The following TACC1 variants were observed in gnomAD, a reference collection of about 807,000 sequenced individuals.
TACC1 encodes the protein transforming acidic coiled-coil containing protein 1, also known as transforming acidic coiled-coil-containing protein 1.
Under a neutral mutation model 84.4 loss-of-function variants are expected in TACC1, and 48 were observed. The observed-to-expected ratio is 0.57, with a 90% CI of 0.45 to 0.72. The LOEUF (loss-of-function observed/expected upper bound fraction) is 0.72, where lower values mean the gene tolerates loss of function less well. Ranked by LOEUF, TACC1 falls within the 30% of genes least tolerant of loss-of-function variation. The pLI, the probability that TACC1 is intolerant of heterozygous loss-of-function variation, is 0.00. For synonymous variants in TACC1, 372 were observed against 376.3 expected (o/e 0.99, Z 0.13); for missense variants, 920 against 973.0 (o/e 0.95, Z 0.72).
chr8:38,845,423 GTTTC>G (rs1182912625), intron 11 of TACC1, among the ~76,000 whole-genome samples: 8 of 152,074 alleles, frequency 5.3e-5, no homozygotes, highest in East Asian at 3.9e-4. Flanking sequence ...CCCTCTAGTC[GTTTC>G]TTTGTGTCTT....
At chr8:38,812,162 A>G (rs556725787) in intron 2 of TACC1, among the ~76,000 whole-genome samples, 3 of 152,280 alleles carry the variant, frequency 2.0e-5, no homozygotes, top group African/African-American at 4.8e-5. Context: ...TATCAAGACA[A>G]TATGTGCATA....
intron 3 of TACC1, among the ~76,000 whole-genome samples, chr8:38,761,861 A>G (rs1052701717): frequency 6.6e-6 from 1 of 152,202 alleles, no homozygotes; most frequent in African/African-American, 2.4e-5. Context: ...TGAAAAGGTA[A>G]AAGAATTATA....
In TACC1 at chr8:38,827,799, G is replaced by A. The variant is rs538082271; in HGVS notation, c.1660+424G>A. ...CATGGCACCAGTGCCTGCTTCTGGT[G>A]AGGGACTCAGGAAGCTTCCAATCAT... On this transcript the variant is annotated intron_variant, in intron 5 of 12. Transcript: ENST00000317827. 11 of 168,138 alleles carry A rather than the reference G, an allele frequency of 6.5e-5. No homozygotes were observed. The South Asian group carries it at 1.5e-3, about 23-fold the overall frequency. The allele number at this position is 168,138 out of a possible 1,614,324, so 10.4% of individuals were successfully genotyped here.
chr8:38,820,901 C>T (rs1158158031), intron 3 of TACC1, among the ~76,000 whole-genome samples: 2 of 151,862 alleles, frequency 1.3e-5, no homozygotes, highest in Non-Finnish European at 2.9e-5. Flanking sequence ...ACCCTAGAGA[C>T]TTTTTTATGT....
chr8:38,788,038 G>A, intron 1 of TACC1: 2 of 424,604 alleles, frequency 4.7e-6, no homozygotes, highest in Non-Finnish European at 8.3e-6. Context: ...CCCAGCCCCC[G>A]CCCCTCCACA....
chr8:38,852,981 AT>A lies in TACC1; in HGVS notation c.*4964del, dbSNP rs1227693531. On this transcript the variant is annotated 3_prime_UTR_variant, in exon 13 of 13. Coordinates refer to ENST00000317827, the MANE Select transcript of TACC1 (RefSeq NM_006283.3). ...AAATTATTATAATGATTACTAATAT[AT>A]TTTTTCCATGTTTCATTGCCTGAAT... The A allele has an allele frequency of 6.6e-6, 1 of 152,590 alleles. No homozygotes were observed. The highest frequency in any genetic ancestry group is 2.4e-5 in the African/African-American group (1 of 41,440). 9.5% of individuals were successfully genotyped at this position (152,590 alleles called of 1,614,324 possible).
intron 3 of TACC1, among the ~76,000 whole-genome samples, chr8:38,781,754 C>G (rs1017190583): frequency 6.6e-6 from 1 of 152,014 alleles, no homozygotes; most frequent in Non-Finnish European, 1.5e-5. Flanking sequence ...CCACCCTCCC[C>G]ACAAACAGGT....
At chr8:38,770,619 C>G (rs1256265197) in intron 3 of TACC1, among the ~76,000 whole-genome samples, 3 of 152,182 alleles carry the variant, frequency 2.0e-5, no homozygotes, top group African/African-American at 4.8e-5. Context: ...TTGGAGTGCC[C>G]TGCTCTTGCT....
chr8:38,767,893 T>C (rs1812551443), intron 3 of TACC1, among the ~76,000 whole-genome samples: 1 of 152,108 alleles, frequency 6.6e-6, no homozygotes, highest in Non-Finnish European at 1.5e-5. Context: ...AGCAAGACTC[T>C]ATCTGTACAA....
intron 2 of TACC1, 39 bp downstream of exon 2, chr8:38,788,858 C>CA: frequency 6.6e-7 from 1 of 1,504,956 alleles, no homozygotes; most frequent in Non-Finnish European, 9.0e-7. Flanking sequence ...TGTTTTGTTT[C>CA]AAAAGTTTTG....
At chr8:38,816,612 A>C (rs1358270298) in intron 2 of TACC1, among the ~76,000 whole-genome samples, 1 of 152,200 alleles carries the variant, frequency 6.6e-6, no homozygotes, top group Non-Finnish European at 1.5e-5. Context: ...ACTCAGGAAA[A>C]TACTTATATT....
chr8:38,769,944 A>G (rs1587475865), intron 3 of TACC1, among the ~76,000 whole-genome samples: 1 of 132,280 alleles, frequency 7.6e-6, no homozygotes. Flanking sequence ...GACTGTGTGT[A>G]TGGTGTGTGT....
chr8:38,849,840 A>C lies in TACC1; in HGVS notation c.*1817A>C, dbSNP rs138273216. 157 of 152,766 alleles carry C rather than the reference A, an allele frequency of 1.0e-3. 1 individual carries two copies. Among genetic ancestry groups the C allele is most frequent in the African/African-American group, 3.7e-3 (154 of 41,568 alleles). 9.5% of individuals were successfully genotyped at this position (152,766 alleles called of 1,614,324 possible). ...TTGAAAGCAGTCACTGTGGTGTAAT[A>C]TGAATGCTGTCCTAGTGGTCATAGT... is the stretch of plus-strand genomic sequence containing the variant. On this transcript the variant is annotated 3_prime_UTR_variant, in exon 13 of 13. Transcript: ENST00000317827.
At chr8:38,774,805 GT>G (rs1476261699) in intron 3 of TACC1, among the ~76,000 whole-genome samples, 9 of 152,274 alleles carry the variant, frequency 5.9e-5, no homozygotes, top group Admixed American at 4.6e-4. Flanking sequence ...GAGGTCAGGA[GT>G]TCGAGACCAG....
chr8:38,788,610 G>A lies in TACC1; in HGVS notation c.162-94G>A, dbSNP rs184855673. 2.3e-3 allele frequency: 2,264 copies of A among 1,003,906 alleles called. 7 individuals are homozygous for A. Among genetic ancestry groups the A allele is most frequent in the Non-Finnish European group, 2.8e-3 (1,886 of 668,768 alleles). The allele number at this position is 1,003,906 out of a possible 1,614,324, so 62.2% of individuals were successfully genotyped here. On this transcript the variant is annotated intron_variant, in intron 1 of 12. Transcript: ENST00000317827. ...CGGTTGGTTGTGAAGTTAGACAAAA[G>A]TGCTGGACTTTTAGCCTCTGTGAAT...
intron 2 of TACC1, among the ~76,000 whole-genome samples, chr8:38,802,850 T>C (rs1821721310): frequency 6.6e-6 from 1 of 152,028 alleles, no homozygotes; most frequent in Non-Finnish European, 1.5e-5. Flanking sequence ...AACTCACTCA[T>C]TACCTTCAGG....
intron 3 of TACC1, 78 bp downstream of exon 3, chr8:38,820,713 G>A: frequency 2.0e-6 from 3 of 1,538,172 alleles, no homozygotes; most frequent in Non-Finnish European, 2.6e-6. Context: ...TTTGGCTTTG[G>A]TGAACTGAAT....
At chr8:38,779,015 T>C (rs1026690654) in intron 3 of TACC1, among the ~76,000 whole-genome samples, 1 of 151,414 alleles carries the variant, frequency 6.6e-6, no homozygotes, top group Non-Finnish European at 1.5e-5. Flanking sequence ...GGTCTCGCTC[T>C]GTCACCCAAT....
chr8:38,773,053 C>T (rs1302926810), intron 3 of TACC1, among the ~76,000 whole-genome samples: 3 of 152,056 alleles, frequency 2.0e-5, no homozygotes, highest in African/African-American at 4.8e-5. Flanking sequence ...CTAGGCCCGG[C>T]GCGGTGGCTC....
Sources: gnomAD v4.1 joint callset for allele counts (sites outside exome capture counted in the v4.1 genomes callset) on GRCh38, gnomAD v4.1.1 for gene constraint, MANE v1.5 for transcripts, NCBI Gene and HGNC (gene_info 2026-07-23, HGNC 2026-07-21) for gene names.